The following RPN2 variants were observed in gnomAD, a reference collection of about 807,000 sequenced individuals.
The protein encoded by RPN2 is ribophorin II.
Under a neutral mutation model 71.4 loss-of-function variants are expected in RPN2, and 29 were observed. That is an observed-to-expected ratio of 0.41 (90% CI 0.30 to 0.55). The LOEUF is 0.55. RPN2 is among the 20% of genes least tolerant of loss of function. RPN2 has a pLI of 0.35. For missense variants in RPN2, 726 were observed against 774.1 expected, an observed-to-expected ratio of 0.94 and a Z score of 0.74; for synonymous variants, 308 against 305.0, an observed-to-expected ratio of 1.01 and a Z score of -0.10.
intron 7 of RPN2, among the ~76,000 whole-genome samples, chr20:37,208,565 T>G (rs2067577561): frequency 6.6e-6 from 1 of 152,218 alleles, no homozygotes; most frequent in South Asian, 2.1e-4. Flanking sequence ...CAATTAATTC[T>G]GGTGTTTATG....
At chr20:37,232,617 T>C (rs1399338571) in intron 14 of RPN2, among the ~76,000 whole-genome samples, 1 of 151,920 alleles carries the variant, frequency 6.6e-6, no homozygotes, top group Non-Finnish European at 1.5e-5. Context: ...AGAAAGTACC[T>C]AACAGCCACT....
At chr20:37,201,131 C>G (rs2067378532) in intron 4 of RPN2, among the ~76,000 whole-genome samples, 1 of 151,500 alleles carries the variant, frequency 6.6e-6, no homozygotes, top group Admixed American at 6.6e-5. Context: ...GTGTGAAGAC[C>G]CTAGCGCAGT....
chr20:37,233,096 G>A (rs1007944454), intron 14 of RPN2, among the ~76,000 whole-genome samples: 1 of 152,052 alleles, frequency 6.6e-6, no homozygotes, highest in Non-Finnish European at 1.5e-5. Context: ...GGTGACGTAT[G>A]CCTGTAGTCC....
chr20:37,234,254 G>A (rs2068324025), intron 15 of RPN2, among the ~76,000 whole-genome samples, 159 bp downstream of exon 15: 1 of 152,230 alleles, frequency 6.6e-6, no homozygotes, highest in Admixed American at 6.5e-5. Context: ...TTAATACGAA[G>A]ATAAACCTGT....
Position 37,184,393 on chromosome 20 carries a change from G to A in RPN2, c.207+20G>A, listed in dbSNP as rs375310156. 1.4e-5 allele frequency: 23 copies of A among 1,605,248 alleles called. No homozygotes were observed. The African/African-American group carries it at 2.4e-4, about 17-fold the overall frequency. On this transcript the variant is annotated intron_variant, in intron 2 of 16. Coordinates refer to ENST00000237530, the MANE Select transcript of RPN2 (RefSeq NM_002951.5). ...GCAAAGGTAAGGCTGCTTTTGTCCTGGTGGTCAGGGTGGTTCAGGAGAACC... is the reference window on the plus strand; with the variant it reads ...GCAAAGGTAAGGCTGCTTTTGTCCTAGTGGTCAGGGTGGTTCAGGAGAACC...
intron 14 of RPN2, among the ~76,000 whole-genome samples, 197 bp downstream of exon 14, chr20:37,232,588 G>A (rs1458240946): frequency 6.6e-6 from 1 of 152,118 alleles, no homozygotes; most frequent in Admixed American, 6.5e-5. Context: ...ATAAACTGCC[G>A]CATTAACAAG....
chr20:37,236,701 A>T lies in RPN2; in HGVS notation c.1875A>T (p.Ala625=). 1 of 1,614,160 alleles carries T rather than the reference A, an allele frequency of 6.2e-7. No individual in the cohort carries two copies. Among genetic ancestry groups the T allele is most frequent in the South Asian group, 1.1e-5 (1 of 91,084 alleles). ...GCAATCGGATGCTGGCCCAGCAGGC[A>T]GTCAAGAGGTAAGGCCAGACATGAG... ...LAGNRMLAQQ[A]VKRTAH is the part of the protein sequence containing the mutation. Residue 625 remains alanine, a synonymous_variant, in exon 16 of 17, where the codon GCA becomes GCT. Transcript: ENST00000237530.
At chr20:37,201,348 A>G (rs1003672466) in intron 4 of RPN2, among the ~76,000 whole-genome samples, 142 of 139,116 alleles carry the variant, frequency 1.0e-3, no homozygotes, top group African/African-American at 3.6e-3. Context: ...ATGCGATCAT[A>G]TTTAAAGCTC....
intron 16 of RPN2, among the ~76,000 whole-genome samples, chr20:37,238,059 A>G (rs773199096): frequency 5.3e-5 from 8 of 152,190 alleles, no homozygotes; most frequent in Non-Finnish European, 1.2e-4. Flanking sequence ...AAAAAAATCA[A>G]GACAAGAATT....
At chr20:37,213,602 A>G (rs1027489176) in intron 8 of RPN2, among the ~76,000 whole-genome samples, 158 bp from the exon 9 acceptor site, 4 of 152,250 alleles carry the variant, frequency 2.6e-5, no homozygotes, top group Non-Finnish European at 5.9e-5. Flanking sequence ...TAAAAAAAAA[A>G]TAAGAAGCAC....
intron 12 of RPN2, 41 bp from the exon 13 acceptor site, chr20:37,229,932 C>T: frequency 1.4e-6 from 2 of 1,453,942 alleles, no homozygotes; most frequent in Non-Finnish European, 1.9e-6. Flanking sequence ...TCACCCACTT[C>T]TCTGCCCCTG....
chr20:37,180,540 A>C (rs1007623933), intron 1 of RPN2, among the ~76,000 whole-genome samples: 28 of 152,192 alleles, frequency 1.8e-4, no homozygotes, highest in African/African-American at 6.8e-4. Flanking sequence ...GTGCTGTTTT[A>C]GGGGAATTTA....
rs2068551715 is a variant in RPN2, at chr20:37,241,612, A to G, written c.*297A>G. 40 of 438,290 alleles carry G rather than the reference A, an allele frequency of 9.1e-5. 1 individual carries two copies. Among genetic ancestry groups the G allele is most frequent in the South Asian group, 7.4e-4 (33 of 44,656 alleles). The allele number at this position is 438,290 out of a possible 1,614,324, so 27.2% of individuals were successfully genotyped here. A position where few individuals can be genotyped will look rare whatever the true frequency, so the allele number is the denominator to read the frequency against. On this transcript the variant is annotated 3_prime_UTR_variant, in exon 17 of 17. Transcript: ENST00000237530. ...ATTGTTTTGGAATAAAGAGGGTAAC[A>G]ATAGGAACAAAGGCCTGATTGAGAG... is the stretch of plus-strand genomic sequence containing the variant.
intron 11 of RPN2, among the ~76,000 whole-genome samples, chr20:37,226,958 G>A (rs1457541288): frequency 6.6e-6 from 1 of 152,222 alleles, no homozygotes; most frequent in East Asian, 1.9e-4. Flanking sequence ...CAGACTTGTT[G>A]CCTTGAGGCA....
At chr20:37,184,043 C>A in intron 1 of RPN2, 137 bp from the exon 2 acceptor site, 1 of 992,448 alleles carries the variant, frequency 1.0e-6, no homozygotes, top group Non-Finnish European at 1.6e-6. Context: ...CAAGGCTTCT[C>A]CTCAGGTTAA....
rs919475396 is a variant in RPN2 at position 37,209,939 on chromosome 20, G to C, written c.868-108G>C. On this transcript the variant is annotated intron_variant, in intron 7 of 16. Transcript: ENST00000237530. ...TCAGCCAAGATTTCCCGAAGCAGGG[G>C]ATTTGCTCTCCTGCAGAGCTTGCAA... 6 of 1,552,944 alleles carry C rather than the reference G, an allele frequency of 3.9e-6. No individual in the cohort carries two copies. The African/African-American group carries it at 8.2e-5, about 21-fold the overall frequency.
At chr20:37,213,143 C>T (rs879640583) in intron 8 of RPN2, among the ~76,000 whole-genome samples, 1 of 152,156 alleles carries the variant, frequency 6.6e-6, no homozygotes, top group Non-Finnish European at 1.5e-5. Context: ...GTATTTTCCT[C>T]TACATTTTTG....
rs116241964 is a variant in RPN2, at chr20:37,238,981, C to G, written c.1883+2272C>G. On this transcript the variant is annotated intron_variant, in intron 16 of 16. Coordinates refer to ENST00000237530, the MANE Select transcript of RPN2 (RefSeq NM_002951.5). Reference sequence around the variant, plus strand: ...AGCATCAGAATCCAGGTTCCTAGCACTCAGGGTATGTTAAAAGGGCTGCTC... The same window carrying G: ...AGCATCAGAATCCAGGTTCCTAGCAGTCAGGGTATGTTAAAAGGGCTGCTC... Among the ~76,000 whole-genome samples, 757 of 152,268 alleles carry G rather than the reference C, an allele frequency of 5.0e-3. 7 individuals are homozygous for G. The highest frequency in any genetic ancestry group is 0.017 in the African/African-American group (723 of 41,552).
At chr20:37,183,929 A>G (rs547531710) in intron 1 of RPN2, among the ~76,000 whole-genome samples, 4 of 152,334 alleles carry the variant, frequency 2.6e-5, no homozygotes, top group Admixed American at 6.5e-5. Flanking sequence ...ACTTACAGAC[A>G]TCTTTCAGAT....
Sources: gnomAD v4.1 joint callset for allele counts (sites outside exome capture counted in the v4.1 genomes callset) on GRCh38, gnomAD v4.1.1 for gene constraint, MANE v1.5 for transcripts, NCBI Gene and HGNC (gene_info 2026-07-23, HGNC 2026-07-21) for gene names.